ADD3: variants seen among roughly 807,000 people sequenced by gnomAD.
ADD3 encodes gamma-adducin.
ADD3 carries 25 observed loss-of-function variants against 80.2 expected under a neutral mutation model. The ratio of observed to expected loss-of-function variants is 0.31; its 90% CI spans 0.23 to 0.44. The LOEUF is 0.44. Among genes scored for constraint, ADD3 ranks in the 20% least tolerant of loss-of-function variants. The probability of loss-of-function intolerance (pLI) is 1.00; values close to 1 mark genes in which losing one functional copy is unlikely to be tolerated. For missense variants in ADD3, 829 were observed against 847.5 expected (o/e 0.98, Z 0.27); for synonymous variants, 284 against 289.6 (o/e 0.98, Z 0.20).
At chr10:110,133,256 C>T in intron 14 of ADD3, 70 bp from the exon 15 acceptor site, 2 of 1,447,734 alleles carry the variant, frequency 1.4e-6, no homozygotes, top group Middle Eastern at 1.9e-4. Flanking sequence ...TAAAACATTT[C>T]AGTTTTGTAA....
chr10:110,030,414 A>G (rs746419200), intron 1 of ADD3, among the ~76,000 whole-genome samples: 5 of 151,384 alleles, frequency 3.3e-5, no homozygotes, highest in Non-Finnish European at 7.4e-5. Context: ...TACTAGTTAT[A>G]TACTTGTGTA....
chr10:110,132,192 A>G (rs1853111433), intron 13 of ADD3, 113 bp from the exon 14 acceptor site: 10 of 676,166 alleles, frequency 1.5e-5, no homozygotes, highest in Middle Eastern at 2.6e-4. Context: ...TCACTGCTGA[A>G]GAATTTATCA....
At chr10:110,012,714 G>A (rs928804026) in intron 1 of ADD3, among the ~76,000 whole-genome samples, 11 of 151,574 alleles carry the variant, frequency 7.3e-5, no homozygotes, top group Non-Finnish European at 1.5e-4. Context: ...AAGCTGAACC[G>A]TTATTGTACA....
chr10:110,118,074 A>ACACACACAC (rs1565014036), intron 5 of ADD3, among the ~76,000 whole-genome samples: 8 of 138,856 alleles, frequency 5.8e-5, no homozygotes, highest in Admixed American at 2.2e-4. Context: ...ACACACACAC[A>ACACACACAC]ATGTTCATAG....
chr10:110,113,343 C>T (rs1015588867), intron 3 of ADD3, among the ~76,000 whole-genome samples: 11 of 152,236 alleles, frequency 7.2e-5, no homozygotes, highest in African/African-American at 2.4e-4. Context: ...TCTCGGCTCA[C>T]TGCAACCTCC....
intron 14 of ADD3, among the ~76,000 whole-genome samples, chr10:110,132,924 C>CAAAAAAA (rs60435351): frequency 7.5e-5 from 5 of 66,272 alleles, no homozygotes; most frequent in Non-Finnish European, 1.3e-4. Flanking sequence ...GACTCCGCCT[C>CAAAAAAA]AAAAAAAAAA....
At chr10:110,015,143 TA>T (rs1852804226) in intron 1 of ADD3, among the ~76,000 whole-genome samples, 1 of 152,216 alleles carries the variant, frequency 6.6e-6, no homozygotes. Context: ...ATTTTAGCTT[TA>T]AATTGGAGAT....
intron 1 of ADD3, among the ~76,000 whole-genome samples, chr10:110,086,441 T>C (rs1846759367): frequency 6.6e-6 from 1 of 152,046 alleles, no homozygotes; most frequent in South Asian, 2.1e-4. Context: ...AGGCTTGATA[T>C]GGTTTGGATT....
chr10:110,037,001 C>CTAATT (rs1478669623), intron 1 of ADD3, among the ~76,000 whole-genome samples: 1 of 152,122 alleles, frequency 6.6e-6, no homozygotes, highest in Non-Finnish European at 1.5e-5. Flanking sequence ...TGGTCAGGTT[C>CTAATT]TAATTTCTGA....
chr10:110,132,173 A>G (rs1198931668), intron 13 of ADD3, 132 bp from the exon 14 acceptor site: 1 of 612,726 alleles, frequency 1.6e-6, no homozygotes, highest in African/African-American at 1.8e-5. Flanking sequence ...AACTGTTAGC[A>G]TGCTCAGCTC....
At chr10:110,054,590 G>T (rs918101434) in intron 1 of ADD3, among the ~76,000 whole-genome samples, 1 of 150,002 alleles carries the variant, frequency 6.7e-6, no homozygotes, top group Admixed American at 6.7e-5. Flanking sequence ...TTACAGGCAC[G>T]CACCACCATG....
intron 1 of ADD3, among the ~76,000 whole-genome samples, chr10:110,048,182 C>T (rs1348637089): frequency 6.6e-6 from 1 of 152,152 alleles, no homozygotes. Flanking sequence ...TGTCTGCCAC[C>T]ATGTAAGACA....
intron 1 of ADD3, among the ~76,000 whole-genome samples, chr10:110,023,238 TAAA>T (rs1564851206): frequency 6.6e-6 from 1 of 152,152 alleles, no homozygotes; most frequent in Non-Finnish European, 1.5e-5. Context: ...AGTGCCCTTA[TAAA>T]AGAGACCTCA....
At chr10:110,122,720 C>G (rs1422876536) in intron 9 of ADD3, among the ~76,000 whole-genome samples, 1 of 151,816 alleles carries the variant, frequency 6.6e-6, no homozygotes, top group East Asian at 1.9e-4. Flanking sequence ...CTGCTGGGCT[C>G]AAACCATTCT....
At chr10:109,997,217 C>A (rs1183606632) in intron 1 of ADD3, among the ~76,000 whole-genome samples, 1 of 152,114 alleles carries the variant, frequency 6.6e-6, no homozygotes, top group Admixed American at 6.6e-5. Flanking sequence ...GAATTCTAAT[C>A]TTAAGTCTTT....
chr10:110,103,891 G>A (rs183825380), intron 2 of ADD3, among the ~76,000 whole-genome samples: 11 of 152,068 alleles, frequency 7.2e-5, no homozygotes, highest in Non-Finnish European at 1.5e-4. Context: ...TAAAGGAACC[G>A]CAGTCTGTCC....
chr10:110,036,674 CT>C (rs1002876655), intron 1 of ADD3, among the ~76,000 whole-genome samples: 40 of 146,714 alleles, frequency 2.7e-4, no homozygotes, highest in Middle Eastern at 3.5e-3. Context: ...GCCCAGCCTT[CT>C]TTTTTTTTTT....
chr10:110,111,225 T>C (rs1276417593), intron 2 of ADD3, among the ~76,000 whole-genome samples: 1 of 151,878 alleles, frequency 6.6e-6, no homozygotes, highest in East Asian at 1.9e-4. Flanking sequence ...TTAGGCAGAG[T>C]GGGGGAAATG....
chr10:110,094,494 A>T (rs1847926319), intron 1 of ADD3, among the ~76,000 whole-genome samples: 1 of 152,164 alleles, frequency 6.6e-6, no homozygotes, highest in South Asian at 2.1e-4. Flanking sequence ...GGGATAATTA[A>T]GTTTTTCTCC....
Sources: allele counts gnomAD v4.1 joint callset (sites outside exome capture counted in the v4.1 genomes callset), GRCh38; gene constraint gnomAD v4.1.1; transcripts MANE v1.5; gene names NCBI Gene and HGNC (gene_info 2026-07-23, HGNC 2026-07-21).